The following ADORA2B variants were observed in gnomAD, a reference collection of about 807,000 sequenced individuals.
The protein encoded by ADORA2B is adenosine receptor A2b.
Under a neutral mutation model 20.8 loss-of-function variants are expected in ADORA2B, and 18 were observed. That is an observed-to-expected ratio of 0.87 (90% CI 0.60 to 1.29). The LOEUF (loss-of-function observed/expected upper bound fraction) is 1.29. Among genes scored for constraint, ADORA2B ranks in the 50% most tolerant of loss-of-function variants. The pLI, the probability that ADORA2B is intolerant of heterozygous loss-of-function variation, is 0.00. For synonymous variants in ADORA2B, 179 were observed against 178.3 expected (o/e 1.00, Z -0.03); for missense variants, 441 against 422.7 (o/e 1.04, Z -0.38).
the ADORA2B span, among the ~76,000 whole-genome samples, chr17:15,855,850 A>G: frequency 6.6e-6 from 1 of 151,870 alleles, no homozygotes; most frequent in African/African-American, 2.4e-5. Context: ...CCCCCTCCCC[A>G]TTCTACCACT....
the ADORA2B span, among the ~76,000 whole-genome samples, chr17:15,919,240 G>A: frequency 6.6e-6 from 1 of 152,100 alleles, no homozygotes; most frequent in African/African-American, 2.4e-5. Context: ...TCCAGGCCCT[G>A]GTAGGAACCA....
At chr17:15,965,542 C>T (rs1183991107) in intron 1 of ADORA2B, among the ~76,000 whole-genome samples, 3 of 152,148 alleles carry the variant, frequency 2.0e-5, no homozygotes, top group Admixed American at 6.5e-5. Flanking sequence ...TTAATTCACG[C>T]GTGGCAGGTG....
At chr17:15,944,562 C>T (rs1265401627), upstream of ADORA2B, among the ~76,000 whole-genome samples, 3 of 152,030 alleles carry the variant, frequency 2.0e-5, no homozygotes, top group African/African-American at 7.2e-5. This position sits in a 1 kb window ranked among gnomAD's most constrained non-coding sequence, Gnocchi z 4.8. Context: ...CGCTGGGAGG[C>T]GGCCGGAGGG....
At chr17:15,883,181 T>TA in the ADORA2B span, among the ~76,000 whole-genome samples, 3 of 152,250 alleles carry the variant, frequency 2.0e-5, no homozygotes, top group African/African-American at 7.2e-5. Flanking sequence ...AAACTAAACT[T>TA]AATCTTGGAA....
the ADORA2B span, among the ~76,000 whole-genome samples, chr17:15,930,518 A>T: frequency 6.6e-6 from 1 of 151,780 alleles, no homozygotes; most frequent in African/African-American, 2.4e-5. Context: ...CTGGTCTTGA[A>T]CTCCTGAGCT....
chr17:15,949,709 A>G (rs1325121375), intron 1 of ADORA2B, among the ~76,000 whole-genome samples: 1 of 151,874 alleles, frequency 6.6e-6, no homozygotes, highest in East Asian at 1.9e-4. Context: ...CGTCTCTACT[A>G]AAAATACAAA....
intron 1 of ADORA2B, among the ~76,000 whole-genome samples, chr17:15,954,093 C>T (rs1267043970): frequency 6.6e-6 from 1 of 152,110 alleles, no homozygotes; most frequent in Non-Finnish European, 1.5e-5. Context: ...ATTCTCCTGC[C>T]TCAGCCTCCC....
the ADORA2B span, among the ~76,000 whole-genome samples, chr17:15,893,443 C>T: frequency 6.6e-6 from 1 of 152,204 alleles, no homozygotes; most frequent in Non-Finnish European, 1.5e-5. Flanking sequence ...GTGGACACCA[C>T]ACTCCAGACC....
the ADORA2B span, among the ~76,000 whole-genome samples, chr17:15,883,901 C>A: frequency 6.6e-6 from 1 of 152,134 alleles, no homozygotes; most frequent in Non-Finnish European, 1.5e-5. Flanking sequence ...GCAGTGGTGA[C>A]GGAATTAAAG....
the ADORA2B span, among the ~76,000 whole-genome samples, chr17:15,903,407 G>A: frequency 6.6e-6 from 1 of 152,220 alleles, no homozygotes; most frequent in Non-Finnish European, 1.5e-5. Context: ...TCTAGATACA[G>A]TGGGAACTCT....
At chr17:15,967,457 C>A (rs528137523) in intron 1 of ADORA2B, among the ~76,000 whole-genome samples, 51 of 152,268 alleles carry the variant, frequency 3.3e-4, no homozygotes, top group Admixed American at 2.6e-4. Context: ...TCTCGAACTC[C>A]TAACTTCAGG....
the ADORA2B span, among the ~76,000 whole-genome samples, chr17:15,891,428 C>T: frequency 6.6e-6 from 1 of 152,252 alleles, no homozygotes; most frequent in Admixed American, 6.5e-5. Context: ...TGTATTCTCT[C>T]TCACCAGACC....
chr17:15,851,002 T>G, the ADORA2B span, among the ~76,000 whole-genome samples: 3 of 152,334 alleles, frequency 2.0e-5, no homozygotes, highest in South Asian at 6.2e-4. Context: ...CTGAGACATC[T>G]TTACATTGCA....
chr17:15,866,742 T>TCTGCCG, the ADORA2B span, among the ~76,000 whole-genome samples: 2 of 119,728 alleles, frequency 1.7e-5, no homozygotes, highest in South Asian at 3.2e-4. Flanking sequence ...TGCCTCTGCC[T>TCTGCCG]CTGCCGCTGC....
the ADORA2B span, among the ~76,000 whole-genome samples, chr17:15,861,702 C>A: frequency 0.48 from 72,535 of 151,972 alleles, 19,864 homozygotes; most frequent in African/African-American, 0.76. Context: ...CAGGGTGGTC[C>A]CTAAGAGGTG....
chr17:15,898,411 A>G, the ADORA2B span, among the ~76,000 whole-genome samples: 1 of 150,586 alleles, frequency 6.6e-6, no homozygotes, highest in Non-Finnish European at 1.5e-5. Flanking sequence ...CTCCTGCATC[A>G]GCCTCCCGAG....
the ADORA2B span, among the ~76,000 whole-genome samples, chr17:15,909,891 T>TA: frequency 6.6e-6 from 1 of 152,194 alleles, no homozygotes; most frequent in African/African-American, 2.4e-5. Flanking sequence ...CCCTACTGGT[T>TA]ACCCTGAGTG....
the ADORA2B span, among the ~76,000 whole-genome samples, chr17:15,914,497 G>T: frequency 6.6e-6 from 1 of 152,174 alleles, no homozygotes; most frequent in Non-Finnish European, 1.5e-5. Context: ...GAGCCACTGT[G>T]CCCAGCTGTT....
At chr17:15,909,711 C>T in the ADORA2B span, among the ~76,000 whole-genome samples, 3 of 152,194 alleles carry the variant, frequency 2.0e-5, no homozygotes, top group Non-Finnish European at 1.5e-5. Context: ...GTGTGTGCCT[C>T]TGGGGACCCT....
Sources: allele counts gnomAD v4.1 joint callset (sites outside exome capture counted in the v4.1 genomes callset), GRCh38; gene constraint gnomAD v4.1.1; non-coding constraint Gnocchi (gnomAD v3.1); transcripts MANE v1.5; gene names NCBI Gene and HGNC (gene_info 2026-07-23, HGNC 2026-07-21).